The following SLC22A25 variants were observed in gnomAD, a reference collection of about 807,000 sequenced individuals.
The protein encoded by SLC22A25 is MGI:2442751, MGI:2385316, MGI:3042283, MGI:3645714, MGI:3605624, MGI:2442750.
In SLC22A25, 44 loss-of-function variants were observed where a neutral mutation model predicts 45.9. That is an observed-to-expected ratio of 0.96 (90% CI 0.75 to 1.23). The LOEUF is 1.23. SLC22A25 is among the 50% of genes most tolerant of loss of function. SLC22A25 has a pLI of 0.00. For synonymous variants in SLC22A25, 283 were observed against 238.6 expected (o/e 1.19, Z -1.72); for missense variants, 800 against 666.4 (o/e 1.20, Z -2.21).
Position 63,183,829 on chromosome 11 carries a change from A to T in SLC22A25, c.831-12T>A. On this transcript the variant is annotated splice_polypyrimidine_tract_variant and intron_variant, in intron 7 of 11. Coordinates refer to ENST00000306494, the MANE Select transcript of SLC22A25 (RefSeq NM_199352.6). ...ACTCTGCCAGCCACCTGAGCAAAGA[A>T]GAGGACAGAGGTGCAGCCAACCACT... 6.2e-7 allele frequency: 1 copy of T among 1,612,644 alleles called. No homozygotes were observed. The highest frequency in any genetic ancestry group is 8.5e-7 in the Non-Finnish European group (1 of 1,179,082).
intron 9 of SLC22A25, among the ~76,000 whole-genome samples, chr11:63,170,258 G>C (rs2087830957): frequency 6.6e-6 from 1 of 151,970 alleles, no homozygotes. Context: ...AAAATAACTA[G>C]AGAAGTAAGA....
At chr11:63,177,376 G>A (rs2088129869) in intron 9 of SLC22A25, among the ~76,000 whole-genome samples, 1 of 117,496 alleles carries the variant, frequency 8.5e-6, no homozygotes, top group South Asian at 3.1e-4. Context: ...GTGTGTGTGT[G>A]TGTGTGTGTC....
At chr11:63,236,115 G>T (rs772028357) in intron 3 of SLC22A25, among the ~76,000 whole-genome samples, 1 of 152,206 alleles carries the variant, frequency 6.6e-6, no homozygotes, top group Admixed American at 6.5e-5. Context: ...GAGGCAGTCT[G>T]CCTGTTCTCA....
chr11:63,178,456 C>G (rs185395557), intron 9 of SLC22A25, among the ~76,000 whole-genome samples: 1 of 148,776 alleles, frequency 6.7e-6, no homozygotes, highest in African/African-American at 2.5e-5. Context: ...ACATCCCCCT[C>G]TATATGCATC....
At chr11:63,187,328 A>G (rs1276084937) in intron 7 of SLC22A25, among the ~76,000 whole-genome samples, 3 of 152,262 alleles carry the variant, frequency 2.0e-5, no homozygotes, top group Admixed American at 6.5e-5. Flanking sequence ...GAGTTCACTC[A>G]TGATTTGGCT....
chr11:63,174,303 G>C (rs1273720316), intron 9 of SLC22A25, among the ~76,000 whole-genome samples: 6 of 152,108 alleles, frequency 3.9e-5, no homozygotes, highest in Admixed American at 3.9e-4. Context: ...GTCTATCAAG[G>C]TTGGATTTTC....
At chr11:63,241,102 G>T (rs1346267737) in intron 1 of SLC22A25, among the ~76,000 whole-genome samples, 8 of 152,224 alleles carry the variant, frequency 5.3e-5, no homozygotes, top group African/African-American at 1.9e-4. Context: ...GGTTGGGAAA[G>T]AAATTCTGAG....
chr11:63,170,927 C>T (rs1441904439), intron 9 of SLC22A25, among the ~76,000 whole-genome samples: 6 of 152,136 alleles, frequency 3.9e-5, no homozygotes, highest in Non-Finnish European at 8.8e-5. Context: ...ACAATACTGG[C>T]AAACTGAATC....
chr11:63,212,846 A>G (rs968727484), intron 7 of SLC22A25, among the ~76,000 whole-genome samples: 2 of 151,974 alleles, frequency 1.3e-5, no homozygotes, highest in African/African-American at 2.4e-5. Flanking sequence ...GGCCTTGGCC[A>G]CAGATCTTGA....
chr11:63,214,330 G>T (rs575908420), intron 7 of SLC22A25, among the ~76,000 whole-genome samples: 1 of 152,306 alleles, frequency 6.6e-6, no homozygotes, highest in African/African-American at 2.4e-5. Context: ...GCAGCTCCGT[G>T]AAGAGGTGGC....
chr11:63,185,557 A>C (rs2088501338), intron 7 of SLC22A25, among the ~76,000 whole-genome samples: 1 of 142,434 alleles, frequency 7.0e-6, no homozygotes, highest in Non-Finnish European at 1.5e-5. Flanking sequence ...TTATTTATTA[A>C]TATACTTTAA....
At chr11:63,222,074 T>A (rs931490280) in intron 5 of SLC22A25, among the ~76,000 whole-genome samples, 1 of 152,068 alleles carries the variant, frequency 6.6e-6, no homozygotes, top group African/African-American at 2.4e-5. Context: ...ATTCTTCCAG[T>A]TTTGTTCTTT....
chr11:63,180,611 T>C (rs566891862), intron 9 of SLC22A25, 49 bp downstream of exon 9: 2 of 1,300,440 alleles, frequency 1.5e-6, no homozygotes, highest in East Asian at 2.4e-5. Context: ...AAGAAATGGA[T>C]TTATGTCTCC....
chr11:63,199,432 TGTATACA>T (rs2089168022), intron 7 of SLC22A25, among the ~76,000 whole-genome samples: 1 of 151,996 alleles, frequency 6.6e-6, no homozygotes, highest in Non-Finnish European at 1.5e-5. Context: ...AAGGAAATAA[TGTATACA>T]GTGGTCCATT....
intron 7 of SLC22A25, among the ~76,000 whole-genome samples, chr11:63,189,863 A>C (rs2088728336): frequency 6.6e-6 from 1 of 152,140 alleles, no homozygotes; most frequent in Admixed American, 6.6e-5. Flanking sequence ...AAGAACGTTG[A>C]ATATTGGCCC....
intron 8 of SLC22A25, among the ~76,000 whole-genome samples, chr11:63,181,454 A>C (rs543062817): frequency 4.2e-4 from 55 of 130,268 alleles, no homozygotes; most frequent in African/African-American, 1.6e-3. Flanking sequence ...ATGTGTTCTC[A>C]TTGTTCAATT....
chr11:63,174,430 A>C (rs941879400), intron 9 of SLC22A25, among the ~76,000 whole-genome samples: 1 of 152,024 alleles, frequency 6.6e-6, no homozygotes, highest in African/African-American at 2.4e-5. Context: ...AGTCTAAGCT[A>C]TTTTCCTGTG....
At chr11:63,224,749 C>G (rs1352870781) in intron 5 of SLC22A25, among the ~76,000 whole-genome samples, 1 of 152,184 alleles carries the variant, frequency 6.6e-6, no homozygotes, top group Non-Finnish European at 1.5e-5. Flanking sequence ...ACCTCGATCT[C>G]TCTGCTTTTT....
At position 63,163,699 on chromosome 11, in the gene SLC22A25, G is replaced by T; in HGVS notation, c.*125C>A. ...CTAGTGAGGCTCAGGGGATGTATGAGGTCACTGTGGAAGGGATGAGGATAC... is the reference window on the plus strand; with the variant it reads ...CTAGTGAGGCTCAGGGGATGTATGATGTCACTGTGGAAGGGATGAGGATAC... On this transcript the variant is annotated 3_prime_UTR_variant, in exon 12 of 12. Transcript: ENST00000306494. 7.7e-7 allele frequency: 1 copy of T among 1,299,416 alleles called. No individual in the cohort carries two copies. The highest frequency in any genetic ancestry group is 1.0e-6 in the Non-Finnish European group (1 of 953,950). 80.5% of individuals were successfully genotyped at this position (1,299,416 alleles called of 1,614,324 possible).
Sources: allele counts gnomAD v4.1 joint callset (sites outside exome capture counted in the v4.1 genomes callset), GRCh38; gene constraint gnomAD v4.1.1; transcripts MANE v1.5; gene names NCBI Gene and HGNC (gene_info 2026-07-23, HGNC 2026-07-21).